Variants in COL12A1 observed in about 807,000 individuals in gnomAD.
COL12A1 encodes collagen alpha-1(XII) chain.
Under a neutral mutation model 349.7 loss-of-function variants are expected in COL12A1, and 114 were observed. The ratio of observed to expected loss-of-function variants is 0.33; its 90% CI spans 0.28 to 0.38. The LOEUF (loss-of-function observed/expected upper bound fraction) is 0.38, where lower values mean the gene tolerates loss of function less well. Among genes scored for constraint, COL12A1 ranks in the 10% least tolerant of loss-of-function variants. The pLI is 1.00. For missense variants in COL12A1, 3,284 were observed against 3,756.9 expected, an observed-to-expected ratio of 0.87 and a Z score of 3.29; for synonymous variants, 1,369 against 1,329.0, an observed-to-expected ratio of 1.03 and a Z score of -0.66.
chr6:75,182,960 G>A lies in COL12A1; in HGVS notation c.1891+90C>T, dbSNP rs115114561. 3,689 of 1,445,388 alleles carry A rather than the reference G, an allele frequency of 2.6e-3. 79 individuals are homozygous for A. The African/African-American group carries it at 0.046, about 18-fold the overall frequency. 89.5% of individuals were successfully genotyped at this position (1,445,388 alleles called of 1,614,324 possible). A position where few individuals can be genotyped will look rare whatever the true frequency, so the allele number is the denominator to read the frequency against. ...GAAAGTTACTTTTTCGTGTCTATAAGAAGAATTGAACAAGCATATTATCCA... is the reference window on the plus strand; with the variant it reads ...GAAAGTTACTTTTTCGTGTCTATAAAAAGAATTGAACAAGCATATTATCCA... On this transcript the variant is annotated intron_variant, in intron 10 of 65. Coordinates refer to ENST00000322507, the MANE Select transcript of COL12A1 (RefSeq NM_004370.6).
chr6:75,177,830 T>C lies in COL12A1; in HGVS notation c.2270A>G (p.Tyr757Cys). The C allele has an allele frequency of 1.9e-6, 3 of 1,614,150 alleles. No homozygotes were observed. The highest frequency in any genetic ancestry group is 2.5e-6 in the Non-Finnish European group (3 of 1,180,038). ...GCTCTCTCCACCAGCAACTGGTCTA[T>C]ATATAATTCGATATCTTAAAACTCT... The part of the protein sequence containing the change: ...PGRVLRYRII[Y>C]RPVAGGESRE... Residue 757 changes from tyrosine to cysteine, a missense_variant, in exon 12 of 66, where the codon TAT becomes TGT. By Grantham distance (194) the Tyr-to-Cys change is radical. Transcript: ENST00000322507.
intron 1 of COL12A1, among the ~76,000 whole-genome samples, chr6:75,205,414 C>T (rs2149495687): frequency 6.6e-6 from 1 of 151,930 alleles, no homozygotes; most frequent in African/African-American, 2.4e-5. Flanking sequence ...CCCGACAAAG[C>T]CACAGCCGCG....
chr6:75,123,264 G>T, intron 43 of COL12A1, 66 bp downstream of exon 43: 1 of 1,262,124 alleles, frequency 7.9e-7, no homozygotes, highest in Non-Finnish European at 1.1e-6. Context: ...TGATGCACAT[G>T]CAGCGTAAAT....
intron 56 of COL12A1, among the ~76,000 whole-genome samples, chr6:75,102,359 A>T (rs1028928366): frequency 6.6e-6 from 1 of 152,210 alleles, no homozygotes; most frequent in Non-Finnish European, 1.5e-5. Flanking sequence ...TACTTTACTT[A>T]TAAGAAAATG....
At chr6:75,171,098 G>T (rs1464691364) in intron 13 of COL12A1, among the ~76,000 whole-genome samples, 1 of 152,200 alleles carries the variant, frequency 6.6e-6, no homozygotes, top group Non-Finnish European at 1.5e-5. Flanking sequence ...TATAAAAACA[G>T]ATTTTCCTCC....
At position 75,175,110 on chromosome 6, in the gene COL12A1, C is replaced by T. The variant is rs568432319; in HGVS notation, c.2638G>A (p.Ala880Thr). ...GCATACAAGGCTGTCACAGATAAGG[C>T]GTATTGTGTCCCTTCCTTCAATCCC... ...LQGLKEGTQYALSVTALYASG... is the reference protein window; with the variant it reads ...LQGLKEGTQYTLSVTALYASG... The change falls in exon 13 of 66, where the codon GCC (alanine) becomes ACC (threonine). Residue 880 changes from alanine to threonine, a missense_variant. Around this residue, in one of 2 missense-constraint regions of COL12A1, gnomAD observed 2,601 missense variants for 2,824.8 expected, o/e 0.92. Transcript: ENST00000322507. 1.5e-5 allele frequency: 24 copies of T among 1,614,152 alleles called. No homozygotes were observed. The highest frequency in any genetic ancestry group is 4.4e-5 in the South Asian group (4 of 91,084).
Position 75,177,840 on chromosome 6 carries a change from G to T in COL12A1, c.2260C>A (p.Arg754=), listed in dbSNP as rs1034315777. 1 of 1,613,948 alleles carries T rather than the reference G, an allele frequency of 6.2e-7. No homozygotes were observed. Among genetic ancestry groups the T allele is most frequent in the Non-Finnish European group, 8.5e-7 (1 of 1,180,000 alleles). Residue 754 remains arginine (R), a synonymous_variant, in exon 12 of 66, where the codon CGA becomes AGA. Coordinates refer to ENST00000322507, the MANE Select transcript of COL12A1 (RefSeq NM_004370.6). ...CCAGCAACTGGTCTATATATAATTCGATATCTTAAAACTCTCCCTGGAGCT... is the reference window on the plus strand; with the variant it reads ...CCAGCAACTGGTCTATATATAATTCTATATCTTAAAACTCTCCCTGGAGCT... The part of the protein sequence containing the change: ...TQAPGRVLRY[R]IIYRPVAGGE...
rs371734128 is a variant in COL12A1, at chr6:75,126,433, G to A, written c.6378C>T (p.Asp2126=). 18 of 1,611,040 alleles carry A rather than the reference G, an allele frequency of 1.1e-5. No homozygotes were observed. Among genetic ancestry groups the A allele is most frequent in the East Asian group, 2.2e-5 (1 of 44,798 alleles). Residue 2126 remains aspartate (D), a synonymous_variant, in exon 39 of 66, where the codon GAC becomes GAT. Transcript: ENST00000322507. ...LLPPQNIHIS[D]EWYTRFRVSW... The stretch of plus-strand genomic sequence containing the variant: ...ACACCCTGAATCTTGTATACCATTC[G>A]TCAGAGATGTGTATGTTCTGAGGAG...
At chr6:75,201,975 G>T (rs917303768) in intron 2 of COL12A1, among the ~76,000 whole-genome samples, 1 of 152,240 alleles carries the variant, frequency 6.6e-6, no homozygotes, top group Non-Finnish European at 1.5e-5. Context: ...GGACACTGGA[G>T]GTGGTGCCCA....
chr6:75,163,085 A>T (rs1344307710), intron 14 of COL12A1, among the ~76,000 whole-genome samples: 1 of 152,206 alleles, frequency 6.6e-6, no homozygotes, highest in African/African-American at 2.4e-5. Flanking sequence ...TAGTTCAACC[A>T]ATGTGTAAGA....
intron 13 of COL12A1, 81 bp from the exon 14 acceptor site, chr6:75,165,860 G>A (rs930362221): frequency 2.2e-6 from 3 of 1,366,224 alleles, no homozygotes; most frequent in Non-Finnish European, 3.0e-6. Flanking sequence ...TCCTGGTAGA[G>A]ATTCTGACTT....
At chr6:75,165,372 T>A in intron 14 of COL12A1, 135 bp downstream of exon 14, 1 of 1,232,356 alleles carries the variant, frequency 8.1e-7, no homozygotes, top group Non-Finnish European at 1.1e-6. Flanking sequence ...CCAAATTCTT[T>A]AAAGATCCTA....
At chr6:75,169,157 G>T (rs116835689) in intron 13 of COL12A1, among the ~76,000 whole-genome samples, 1 of 152,126 alleles carries the variant, frequency 6.6e-6, no homozygotes, top group South Asian at 2.1e-4. Flanking sequence ...AGTTCTAAGT[G>T]TTACCTAGCA....
At chr6:75,126,166 A>T (rs567811983) in intron 39 of COL12A1, among the ~76,000 whole-genome samples, 185 bp downstream of exon 39, 17 of 152,294 alleles carry the variant, frequency 1.1e-4, no homozygotes, top group African/African-American at 3.6e-4. Flanking sequence ...TACACCTATA[A>T]TAACAATGGT....
chr6:75,118,666 G>A (rs145844463), intron 46 of COL12A1, among the ~76,000 whole-genome samples: 3 of 152,344 alleles, frequency 2.0e-5, no homozygotes, highest in Non-Finnish European at 4.4e-5. Context: ...CTGCAAAGAT[G>A]TGCTAAAGCT....
intron 27 of COL12A1, 105 bp downstream of exon 27, chr6:75,141,927 C>T: frequency 1.4e-6 from 2 of 1,388,136 alleles, no homozygotes; most frequent in South Asian, 2.8e-5. Context: ...CATTATTAAA[C>T]ACTGGCAAAG....
chr6:75,191,607 T>G lies in COL12A1; in HGVS notation c.394+94A>C, dbSNP rs1582212952. On this transcript the variant is annotated intron_variant, in intron 5 of 65. Coordinates refer to ENST00000322507, the MANE Select transcript of COL12A1 (RefSeq NM_004370.6). ...AAGCTTATATAAATTAATATAGGAA[T>G]AAGATCAATCTATGTATATAATTGG... 8.4e-6 allele frequency: 6 copies of G among 716,026 alleles called. No homozygotes were observed. In the East Asian group the frequency reaches 1.8e-4, roughly 21 times the overall value. The allele number at this position is 716,026 out of a possible 1,614,324, so 44.4% of individuals were successfully genotyped here.
intron 13 of COL12A1, among the ~76,000 whole-genome samples, chr6:75,174,372 T>C (rs557634231): frequency 8.0e-4 from 122 of 152,050 alleles, no homozygotes; most frequent in South Asian, 5.2e-3. Flanking sequence ...CTGGCTAACA[T>C]GGTGAAACCC....
intron 21 of COL12A1, among the ~76,000 whole-genome samples, chr6:75,149,271 GC>G (rs1434578343): frequency 6.6e-6 from 1 of 151,968 alleles, no homozygotes; most frequent in Admixed American, 6.6e-5. Context: ...ATCACTATTG[GC>G]ACCACACAAC....
Sources: allele counts gnomAD v4.1 joint callset (sites outside exome capture counted in the v4.1 genomes callset), GRCh38; gene constraint gnomAD v4.1.1; regional missense constraint gnomAD v4.1.1; transcripts MANE v1.5; gene names NCBI Gene and HGNC (gene_info 2026-07-23, HGNC 2026-07-21).